Variants in SLX4IP observed in about 807,000 individuals in gnomAD.
SLX4IP encodes the protein protein SLX4IP.
A neutral mutation model predicts 32.9 loss-of-function variants in SLX4IP; 34 were observed. The ratio of observed to expected loss-of-function variants is 1.03; its 90% CI spans 0.79 to 1.38. The LOEUF is 1.38. SLX4IP is among the 40% of genes most tolerant of loss of function. SLX4IP has a pLI of 0.00. For missense variants in SLX4IP, 444 were observed against 479.0 expected, an observed-to-expected ratio of 0.93 and a Z score of 0.68; for synonymous variants, 172 against 171.7, an observed-to-expected ratio of 1.00 and a Z score of -0.01.
intron 1 of SLX4IP, among the ~76,000 whole-genome samples, chr20:10,439,793 C>A (rs2065145419): frequency 6.6e-6 from 1 of 152,214 alleles, no homozygotes; most frequent in African/African-American, 2.4e-5. Flanking sequence ...ATAATTCATG[C>A]ACATGAAGAA....
rs559475747 is a variant in SLX4IP, at chr20:10,598,345, C to T, written c.239-330C>T. ...GTGCAGTGATCTTAGCTCACTACAA[C>T]CTCCACTTCCCAGGTTCAAGTGATT... On this transcript the variant is annotated intron_variant, in intron 4 of 7. Transcript: ENST00000334534. Among the ~76,000 whole-genome samples the T allele has an allele frequency of 6.6e-5, 10 of 152,298 alleles. 1 individual carries two copies. In the South Asian group the frequency reaches 1.0e-3, roughly 16 times the overall value.
At chr20:10,479,718 A>C (rs903411640) in intron 2 of SLX4IP, among the ~76,000 whole-genome samples, 1 of 150,912 alleles carries the variant, frequency 6.6e-6, no homozygotes, top group East Asian at 2.0e-4. Flanking sequence ...AAAACAGGCA[A>C]ACAGAGGCCG....
intron 4 of SLX4IP, among the ~76,000 whole-genome samples, chr20:10,568,803 C>T (rs368364121): frequency 2.6e-5 from 4 of 152,216 alleles, no homozygotes; most frequent in African/African-American, 4.8e-5. Flanking sequence ...CAAGGATACA[C>T]TCAGCAACTG....
chr20:10,510,075 T>C (rs1369960381), intron 2 of SLX4IP, among the ~76,000 whole-genome samples: 6 of 152,202 alleles, frequency 3.9e-5, no homozygotes, highest in African/African-American at 1.2e-4. Flanking sequence ...AAAAAGTCAC[T>C]GGTCATTTTT....
intron 4 of SLX4IP, among the ~76,000 whole-genome samples, chr20:10,565,698 A>G (rs2066384676): frequency 6.6e-6 from 1 of 152,258 alleles, no homozygotes; most frequent in African/African-American, 2.4e-5. Context: ...GACACAAGTT[A>G]CAAATATCCA....
intron 2 of SLX4IP, among the ~76,000 whole-genome samples, chr20:10,509,805 C>A (rs1280332161): frequency 6.6e-6 from 1 of 152,150 alleles, no homozygotes; most frequent in South Asian, 2.1e-4. Context: ...TCCTCCCCTT[C>A]GGCTTTCCCA....
intron 4 of SLX4IP, among the ~76,000 whole-genome samples, chr20:10,571,650 C>T (rs2066467719): frequency 6.6e-6 from 1 of 152,194 alleles, no homozygotes; most frequent in Non-Finnish European, 1.5e-5. Flanking sequence ...TTCCCTGCCT[C>T]ACAGATAGGC....
intron 2 of SLX4IP, among the ~76,000 whole-genome samples, chr20:10,502,220 T>C (rs1243965599): frequency 6.6e-6 from 1 of 152,164 alleles, no homozygotes; most frequent in Admixed American, 6.5e-5. Flanking sequence ...GGCATTTCTG[T>C]GTAGGAAGTG....
Position 10,621,456 on chromosome 20 carries a change from C to G in SLX4IP, c.506+42C>G, listed in dbSNP as rs73896598. 48 of 1,550,032 alleles carry G rather than the reference C, an allele frequency of 3.1e-5. No individual in the cohort carries two copies. The African/African-American group carries it at 4.7e-4, about 15-fold the overall frequency. On this transcript the variant is annotated intron_variant, in intron 7 of 7. Transcript: ENST00000334534. ...TCCTTTTTCTCATTTTTGCCTGTCT[C>G]TATGTATGGATAGATAACATGAAGT...
intron 2 of SLX4IP, among the ~76,000 whole-genome samples, chr20:10,487,299 A>G (rs2065583171): frequency 6.6e-6 from 1 of 152,172 alleles, no homozygotes. Flanking sequence ...GCCTTAATGG[A>G]AAAGGGTGGG....
At chr20:10,584,952 A>G (rs972648844) in intron 4 of SLX4IP, among the ~76,000 whole-genome samples, 11 of 152,260 alleles carry the variant, frequency 7.2e-5, no homozygotes, top group Non-Finnish European at 1.5e-4. Context: ...TCTGTTACAG[A>G]CAAATGCTGA....
At chr20:10,512,775 AC>A (rs2065819828) in intron 2 of SLX4IP, among the ~76,000 whole-genome samples, 5 of 24,898 alleles carry the variant, frequency 2.0e-4, no homozygotes, top group African/African-American at 1.1e-3. Context: ...ACACACACAC[AC>A]TCTATATATA....
At chr20:10,513,798 G>T (rs1479502609) in intron 2 of SLX4IP, among the ~76,000 whole-genome samples, 2 of 152,204 alleles carry the variant, frequency 1.3e-5, no homozygotes, top group Non-Finnish European at 2.9e-5. Context: ...CATCTGCCTG[G>T]CACTTAAGAT....
At chr20:10,614,390 G>A (rs2067002902) in intron 6 of SLX4IP, among the ~76,000 whole-genome samples, 1 of 152,132 alleles carries the variant, frequency 6.6e-6, no homozygotes, top group African/African-American at 2.4e-5. Context: ...GAGTTTGGTG[G>A]GATAGCTTCT....
chr20:10,475,523 G>A (rs532333114), intron 2 of SLX4IP, among the ~76,000 whole-genome samples: 1 of 152,314 alleles, frequency 6.6e-6, no homozygotes, highest in Non-Finnish European at 1.5e-5. Context: ...GCTTCAGGTT[G>A]CCCATGGCCC....
intron 5 of SLX4IP, among the ~76,000 whole-genome samples, chr20:10,599,286 C>T (rs1278408125): frequency 6.6e-6 from 1 of 152,108 alleles, no homozygotes. Context: ...TTTAGTTCAC[C>T]TTCCATGGAC....
chr20:10,500,130 CTTTTTT>C (rs34751503), intron 2 of SLX4IP, among the ~76,000 whole-genome samples: 3 of 90,074 alleles, frequency 3.3e-5, no homozygotes, highest in African/African-American at 1.3e-4. Flanking sequence ...TGTCAAAATT[CTTTTTT>C]TTTTTTTTTT....
At chr20:10,443,708 C>T (rs1311701294) in intron 1 of SLX4IP, among the ~76,000 whole-genome samples, 1 of 152,102 alleles carries the variant, frequency 6.6e-6, no homozygotes, top group East Asian at 1.9e-4. Context: ...TGTTCCTGAG[C>T]AAATCTCATG....
intron 4 of SLX4IP, among the ~76,000 whole-genome samples, chr20:10,567,142 G>A (rs988166536): frequency 2.0e-5 from 3 of 152,162 alleles, no homozygotes; most frequent in African/African-American, 4.8e-5. Flanking sequence ...CATTGCTTAT[G>A]AGCCCTTTGA....
Sources: allele counts gnomAD v4.1 joint callset (sites outside exome capture counted in the v4.1 genomes callset), GRCh38; gene constraint gnomAD v4.1.1; transcripts MANE v1.5; gene names NCBI Gene and HGNC (gene_info 2026-07-23, HGNC 2026-07-21).